SLC29A3: variants seen among roughly 807,000 people sequenced by gnomAD.
SLC29A3 encodes solute carrier family 29 member 3.
Under a neutral mutation model 25.4 loss-of-function variants are expected in SLC29A3, and 18 were observed. That is an observed-to-expected ratio of 0.71 (90% CI 0.49 to 1.05). The LOEUF (loss-of-function observed/expected upper bound fraction) is 1.05, where lower values mean the gene tolerates loss of function less well. SLC29A3 is among the 50% of genes least tolerant of loss of function. SLC29A3 has a pLI of 0.00. For synonymous variants in SLC29A3, 258 were observed against 267.1 expected, an observed-to-expected ratio of 0.97 and a Z score of 0.33; for missense variants, 586 against 609.0, an observed-to-expected ratio of 0.96 and a Z score of 0.40.
intron 3 of SLC29A3, among the ~76,000 whole-genome samples, chr10:71,374,156 C>T (rs1847232984): frequency 6.6e-6 from 1 of 152,208 alleles, no homozygotes; most frequent in Non-Finnish European, 1.5e-5. Context: ...AGTTTGAATT[C>T]ACTTCCTTTG....
At chr10:71,339,904 C>G (rs535647478) in intron 2 of SLC29A3, among the ~76,000 whole-genome samples, 1 of 152,112 alleles carries the variant, frequency 6.6e-6, no homozygotes, top group Non-Finnish European at 1.5e-5. Flanking sequence ...TCCAGGCTTG[C>G]GTCCACCTCC....
At chr10:71,353,093 A>T (rs1354023432) in intron 4 of SLC29A3, among the ~76,000 whole-genome samples, 1 of 152,162 alleles carries the variant, frequency 6.6e-6, no homozygotes, top group African/African-American at 2.4e-5. Flanking sequence ...TCACTGGTGG[A>T]TCTCTATCTT....
chr10:71,330,125 G>A (rs866861472), intron 2 of SLC29A3, among the ~76,000 whole-genome samples: 23 of 152,352 alleles, frequency 1.5e-4, no homozygotes, highest in Admixed American at 2.6e-4. Context: ...GCCCCTGGAA[G>A]AGCCTTTGCC....
chr10:71,371,155 G>A lies in SLC29A3; in HGVS notation c.*95-4540G>A, dbSNP rs114242423. ...AGTGTAGTGAATACTGATCCATCAA[G>A]CACTAGGTCTTACTGATTGCTGTTC... On this transcript the variant is annotated intron_variant and NMD_transcript_variant, in intron 3 of 4. Coordinates refer to the SLC29A3 transcript ENST00000642772. Among the ~76,000 whole-genome samples, 459 of 152,276 alleles carry A rather than the reference G, an allele frequency of 3.0e-3. 1 individual carries two copies. Among genetic ancestry groups the A allele is most frequent in the African/African-American group, 0.011 (439 of 41,558 alleles).
intron 2 of SLC29A3, among the ~76,000 whole-genome samples, chr10:71,335,295 C>T (rs1457493062): frequency 2.6e-5 from 4 of 152,164 alleles, no homozygotes; most frequent in African/African-American, 7.2e-5. Flanking sequence ...AGACCACCCG[C>T]GAATCGGCCC....
intron 3 of SLC29A3, among the ~76,000 whole-genome samples, chr10:71,368,695 A>G: frequency 6.6e-6 from 1 of 152,194 alleles, no homozygotes; most frequent in Non-Finnish European, 1.5e-5. Flanking sequence ...ATGCACAGCC[A>G]TGAACAAAGA....
At chr10:71,353,969 C>T (rs564146559) in intron 4 of SLC29A3, among the ~76,000 whole-genome samples, 28 of 152,216 alleles carry the variant, frequency 1.8e-4, no homozygotes, top group Admixed American at 3.9e-4. Context: ...GTTAAGATCT[C>T]CTCCTTGGGG....
chr10:71,322,301 T>C (rs1845864040), intron 1 of SLC29A3, among the ~76,000 whole-genome samples: 1 of 152,240 alleles, frequency 6.6e-6, no homozygotes, highest in Non-Finnish European at 1.5e-5. Context: ...ACCATCCTGC[T>C]CCTTATTTCT....
At chr10:71,358,177 A>G (rs900807770) in intron 5 of SLC29A3, among the ~76,000 whole-genome samples, 1 of 152,066 alleles carries the variant, frequency 6.6e-6, no homozygotes, top group African/African-American at 2.4e-5. Context: ...GCCTCTCCCC[A>G]CCGGATCATG....
intron 2 of SLC29A3, among the ~76,000 whole-genome samples, chr10:71,328,474 A>T (rs1846024323): frequency 6.6e-6 from 1 of 152,076 alleles, no homozygotes; most frequent in Non-Finnish European, 1.5e-5. Flanking sequence ...GCATTATCTC[A>T]TGCAGCGCTG....
intron 2 of SLC29A3, among the ~76,000 whole-genome samples, chr10:71,343,188 T>C (rs955477914): frequency 5.3e-5 from 8 of 152,130 alleles, no homozygotes; most frequent in African/African-American, 1.7e-4. Context: ...CCCAGGGTGG[T>C]CTCCTGGGTT....
intron 5 of SLC29A3, 25 bp from the exon 6 acceptor site, chr10:71,361,929 T>C (rs1564542874): frequency 1.9e-6 from 3 of 1,613,338 alleles, no homozygotes; most frequent in South Asian, 1.1e-5. Flanking sequence ...ACCTGCTTGA[T>C]GGTGGCCCTG....
intron 3 of SLC29A3, among the ~76,000 whole-genome samples, chr10:71,346,325 G>A (rs1413911348): frequency 3.3e-5 from 5 of 152,174 alleles, no homozygotes; most frequent in East Asian, 3.9e-4. Flanking sequence ...CAGCCTAAGA[G>A]CTGGAAACTG....
Position 71,362,863 on chromosome 10 carries a change from C to A in SLC29A3, c.*255C>A. The A allele has an allele frequency of 1.5e-6, 1 of 663,092 alleles. No individual in the cohort carries two copies. Among genetic ancestry groups the A allele is most frequent in the East Asian group, 3.0e-5 (1 of 33,684 alleles). 41.1% of individuals were successfully genotyped at this position (663,092 alleles called of 1,614,324 possible). On this transcript the variant is annotated 3_prime_UTR_variant, in exon 6 of 6. Coordinates refer to ENST00000373189, the MANE Select transcript of SLC29A3 (RefSeq NM_018344.6). ...GAAATAGCACAAATCAGGGGTACTC[C>A]CTTCACAGCTGATGGTTAACATTCC...
chr10:71,368,162 G>A (rs1847184866), downstream of SLC29A3, among the ~76,000 whole-genome samples: 1 of 152,080 alleles, frequency 6.6e-6, no homozygotes, highest in Non-Finnish European at 1.5e-5. Flanking sequence ...CCCAGGAGGT[G>A]GAGGTTACAG....
chr10:71,346,235 T>C (rs1846576341), intron 3 of SLC29A3, among the ~76,000 whole-genome samples: 1 of 152,198 alleles, frequency 6.6e-6, no homozygotes, highest in Admixed American at 6.5e-5. Flanking sequence ...CTCTGGGCTG[T>C]GAGAGAATGC....
At chr10:71,369,725 A>G (rs372450877) in intron 3 of SLC29A3, among the ~76,000 whole-genome samples, 3 of 152,216 alleles carry the variant, frequency 2.0e-5, no homozygotes, top group South Asian at 2.1e-4. Flanking sequence ...TTGAGCAGCT[A>G]CTATGGTCAG....
chr10:71,356,077 G>T lies in SLC29A3; in HGVS notation c.611-4G>T, dbSNP rs1431689524. The T allele has an allele frequency of 1.9e-6, 3 of 1,613,744 alleles. No homozygotes were observed. Reference sequence around the variant, plus strand: ...CATCTCTGCGTGTCCTCTGTTCTCTGCAGGAGGAGCCATGGGCGGGACGGT... The same window carrying T: ...CATCTCTGCGTGTCCTCTGTTCTCTTCAGGAGGAGCCATGGGCGGGACGGT... On this transcript the variant is annotated splice_polypyrimidine_tract_variant and splice_region_variant and intron_variant, in intron 4 of 5. Coordinates refer to ENST00000373189, the MANE Select transcript of SLC29A3 (RefSeq NM_018344.6).
chr10:71,368,650 T>C (rs1847187801), intron 3 of SLC29A3, among the ~76,000 whole-genome samples: 1 of 152,190 alleles, frequency 6.6e-6, no homozygotes, highest in South Asian at 2.1e-4. Flanking sequence ...GCTGGAAAAT[T>C]GGGCACCCCA....
Sources: gnomAD v4.1 joint callset for allele counts (sites outside exome capture counted in the v4.1 genomes callset) on GRCh38, gnomAD v4.1.1 for gene constraint, MANE v1.5 for transcripts, NCBI Gene and HGNC (gene_info 2026-07-23, HGNC 2026-07-21) for gene names.